The following ATP2C1 variants were observed in gnomAD, a reference collection of about 807,000 sequenced individuals.
The protein encoded by ATP2C1 is calcium-transporting ATPase type 2C member 1.
Under a neutral mutation model 120.5 loss-of-function variants are expected in ATP2C1, and 31 were observed. The observed-to-expected ratio is 0.26, with a 90% CI of 0.19 to 0.35. The LOEUF (loss-of-function observed/expected upper bound fraction) is 0.35, where lower values mean the gene tolerates loss of function less well. ATP2C1 is among the 10% of genes least tolerant of loss of function. The probability of loss-of-function intolerance (pLI) is 1.00; values close to 1 mark genes in which losing one functional copy is unlikely to be tolerated. For missense variants in ATP2C1, 731 were observed against 1,107.5 expected (o/e 0.66, Z 4.83); for synonymous variants, 351 against 358.7 (o/e 0.98, Z 0.24).
At chr3:130,929,929 T>C (rs2108340092) in intron 2 of ATP2C1, 2 of 228,506 alleles carry the variant, frequency 8.8e-6, no homozygotes, top group Non-Finnish European at 8.7e-6. Context: ...GCTCTTAAAG[T>C]CTGACTTGTT....
At chr3:130,953,731 T>G in intron 8 of ATP2C1, 90 bp from the exon 9 acceptor site, 1 of 1,327,132 alleles carries the variant, frequency 7.5e-7, no homozygotes, top group Non-Finnish European at 1.1e-6. Context: ...GGAAAAGGGA[T>G]GTTTGAGGAA....
chr3:130,996,043 G>A lies in ATP2C1; in HGVS notation c.2058G>A (p.Met686Ile), dbSNP rs1161855976. Residue 686 changes from methionine (M) to isoleucine (I), a missense_variant and splice_region_variant, in exon 23 of 28, where the codon ATG (methionine) becomes ATA (isoleucine). This residue lies in a region of ATP2C1 where 571 missense variants were observed against 845.9 expected (regional missense o/e 0.67). Coordinates refer to ENST00000510168, the MANE Select transcript of ATP2C1 (RefSeq NM_001378687.1). ...ILVDDDFQTI[M>I]SAIEEGKGIY... The stretch of plus-strand genomic sequence containing the variant: ...TTCATCTTTATTTTTTAAATTTCAG[G>A]TCTGCAATCGAAGAGGGTAAAGGGA... The A allele has an allele frequency of 3.2e-6, 5 of 1,567,756 alleles. No individual in the cohort carries two copies. Among genetic ancestry groups the A allele is most frequent in the African/African-American group, 1.4e-5 (1 of 73,958 alleles).
At position 130,932,015 on chromosome 3, in the gene ATP2C1, C is replaced by T; in HGVS notation, c.118-7C>T. ...TTTCAATAACTTTCATGTATAAACTCTAATAGGCTGATCTTCAGAATGGTC... is the reference window on the plus strand; with the variant it reads ...TTTCAATAACTTTCATGTATAAACTTTAATAGGCTGATCTTCAGAATGGTC... On this transcript the variant is annotated splice_region_variant and splice_polypyrimidine_tract_variant and intron_variant, in intron 3 of 27. Transcript: ENST00000510168. 1 of 1,568,260 alleles carries T rather than the reference C, an allele frequency of 6.4e-7. No homozygotes were observed.
At chr3:130,956,298 T>C in intron 11 of ATP2C1, 119 bp downstream of exon 11, 1 of 566,904 alleles carries the variant, frequency 1.8e-6, no homozygotes, top group South Asian at 2.1e-5. Flanking sequence ...TTTAATACTT[T>C]TTAAAATTAT....
chr3:130,897,501 C>T (rs1052592383), intron 2 of ATP2C1, among the ~76,000 whole-genome samples: 4 of 152,196 alleles, frequency 2.6e-5, no homozygotes, highest in Non-Finnish European at 4.4e-5. Context: ...AGTGATGCTG[C>T]TGTTCCCTAG....
At chr3:130,899,887 T>C (rs1465324645) in intron 2 of ATP2C1, among the ~76,000 whole-genome samples, 1 of 152,144 alleles carries the variant, frequency 6.6e-6, no homozygotes, top group Non-Finnish European at 1.5e-5. Flanking sequence ...AGAGAATGTG[T>C]GAATTGGAAT....
In ATP2C1 at chr3:130,967,571, T is replaced by G. The variant is rs2273950; in HGVS notation, c.1308+152T>G. ...TTTTACTATCTTTTAGGTATCAGTT[T>G]TATTCCTATAAATGTAAAGTATAGA... is the stretch of plus-strand genomic sequence containing the variant. On this transcript the variant is annotated intron_variant, in intron 16 of 27. Coordinates refer to ENST00000510168, the MANE Select transcript of ATP2C1 (RefSeq NM_001378687.1). 7.9e-3 allele frequency: 5,437 copies of G among 691,704 alleles called. 220 individuals carry two copies. The African/African-American group carries it at 0.084, about 11-fold the overall frequency. The allele number at this position is 691,704 out of a possible 1,614,324, so 42.8% of individuals were successfully genotyped here.
intron 1 of ATP2C1, among the ~76,000 whole-genome samples, chr3:130,877,781 T>C (rs2068652338): frequency 6.6e-6 from 1 of 152,184 alleles, no homozygotes; most frequent in South Asian, 2.1e-4. Context: ...AGCCATCCCA[T>C]TACTGGGTAT....
At chr3:130,903,653 C>T (rs1417848711) in intron 2 of ATP2C1, among the ~76,000 whole-genome samples, 2 of 151,248 alleles carry the variant, frequency 1.3e-5, no homozygotes, top group African/African-American at 4.9e-5. Context: ...CCTTCCTCCC[C>T]CCTTTCCTTT....
intron 2 of ATP2C1, among the ~76,000 whole-genome samples, chr3:130,914,633 C>A (rs2058599509): frequency 6.6e-6 from 1 of 152,142 alleles, no homozygotes; most frequent in Admixed American, 6.5e-5. Flanking sequence ...TCTGCTTTAG[C>A]CTCCTAAGTA....
chr3:130,992,983 C>T lies in ATP2C1; in HGVS notation c.1872C>T (p.His624=). The T allele has an allele frequency of 1.2e-6, 2 of 1,612,564 alleles. No homozygotes were observed. Among genetic ancestry groups the T allele is most frequent in the Non-Finnish European group, 1.7e-6 (2 of 1,178,922 alleles). The change falls in exon 21 of 28, where the codon CAC becomes CAT. Residue 624 remains histidine, a synonymous_variant. Coordinates refer to ENST00000510168, the MANE Select transcript of ATP2C1 (RefSeq NM_001378687.1). ...VAVFYRASPR[H]KMKIIKSLQK... ...TATTTTACAGAGCTAGCCCAAGGCA[C>T]AAGATGAAAATTATTAAGGTGAGTG...
intron 26 of ATP2C1, chr3:131,014,300 C>G: frequency 6.2e-7 from 1 of 1,614,012 alleles, no homozygotes; most frequent in Non-Finnish European, 8.5e-7. Flanking sequence ...GTTGCTTAGC[C>G]TCAGGACATA....
Position 130,941,654 on chromosome 3 carries a change from C to T in ATP2C1, c.486C>T (p.Cys162=), listed in dbSNP as rs368726188. 2.9e-5 allele frequency: 46 copies of T among 1,613,698 alleles called. No individual in the cohort carries two copies. The highest frequency in any genetic ancestry group is 1.5e-4 in the Admixed American group (9 of 59,966). Residue 162 remains cysteine, a synonymous_variant, in exon 8 of 28, where the codon TGC becomes TGT. Coordinates refer to ENST00000510168, the MANE Select transcript of ATP2C1 (RefSeq NM_001378687.1). The part of the protein sequence containing the change: ...ARDLVPGDTV[C]LSVGDRVPAD... ...ACTTGGTTCCAGGTGATACAGTTTGCCTTTCTGTTGGGGATAGAGTTCCTG... is the reference window on the plus strand; with the variant it reads ...ACTTGGTTCCAGGTGATACAGTTTGTCTTTCTGTTGGGGATAGAGTTCCTG...
intron 26 of ATP2C1, among the ~76,000 whole-genome samples, chr3:131,008,186 C>CCA (rs1560046021): frequency 6.6e-6 from 1 of 152,028 alleles, no homozygotes; most frequent in African/African-American, 2.4e-5. Flanking sequence ...ACCCTTAATC[C>CCA]CAGCACTTTG....
chr3:131,013,390 A>C (rs1020330716), intron 26 of ATP2C1, among the ~76,000 whole-genome samples: 1 of 152,246 alleles, frequency 6.6e-6, no homozygotes, highest in Non-Finnish European at 1.5e-5. Context: ...CAAAATCTGT[A>C]GTATAAAGAG....
intron 22 of ATP2C1, among the ~76,000 whole-genome samples, chr3:130,994,698 G>A (rs2062521725): frequency 6.6e-6 from 1 of 152,074 alleles, no homozygotes; most frequent in South Asian, 2.1e-4. Context: ...GATGACCTGA[G>A]TTTAGTGATA....
intron 1 of ATP2C1, among the ~76,000 whole-genome samples, chr3:130,872,667 C>G (rs1465234033): frequency 6.6e-6 from 1 of 152,016 alleles, no homozygotes; most frequent in African/African-American, 2.4e-5. Flanking sequence ...TCACTGCAAC[C>G]TCCGCCTCCT....
chr3:130,929,105 AATTT>A (rs2059342192), intron 2 of ATP2C1, among the ~76,000 whole-genome samples: 1 of 152,184 alleles, frequency 6.6e-6, no homozygotes, highest in South Asian at 2.1e-4. Context: ...GCTATAAAAT[AATTT>A]CAGTAATTTG....
chr3:130,867,507 G>T lies in ATP2C1; in HGVS notation c.108+16579G>T, dbSNP rs1338955114. Among the ~76,000 whole-genome samples, 6 of 139,548 alleles carry T rather than the reference G, an allele frequency of 4.3e-5. No homozygotes were observed. The East Asian group carries it at 1.3e-3, about 29-fold the overall frequency. 91.5% of individuals were successfully genotyped at this position (139,548 alleles called of 152,430 possible). On this transcript the variant is annotated intron_variant, in intron 1 of 26. Coordinates refer to the ATP2C1 transcript ENST00000504381. ...GGGTTTCGCTGTGTTGGCCGGGCTG[G>T]TCTCCAGCTCCTAACCGCGAGTGAT...
Sources: gnomAD v4.1 joint callset for allele counts (sites outside exome capture counted in the v4.1 genomes callset) on GRCh38, gnomAD v4.1.1 for gene constraint, gnomAD v4.1.1 regional missense constraint, MANE v1.5 for transcripts, NCBI Gene and HGNC (gene_info 2026-07-23, HGNC 2026-07-21) for gene names.